The following EPHA7 variants were observed in gnomAD, a reference collection of about 807,000 sequenced individuals.
EPHA7 encodes ephrin type-A receptor 7.
A neutral mutation model predicts 112.6 loss-of-function variants in EPHA7; 25 were observed. The ratio of observed to expected loss-of-function variants is 0.22; its 90% CI spans 0.16 to 0.31. EPHA7 has a LOEUF of 0.31. Among genes scored for constraint, EPHA7 ranks in the 10% least tolerant of loss-of-function variants. The pLI is 1.00. For missense variants in EPHA7, 962 were observed against 1,212.6 expected (o/e 0.79, Z 3.07); for synonymous variants, 437 against 406.5 (o/e 1.07, Z -0.90).
intron 4 of EPHA7, among the ~76,000 whole-genome samples, chr6:93,357,873 C>T (rs1344603638): frequency 1.3e-5 from 2 of 152,010 alleles, no homozygotes; most frequent in South Asian, 2.1e-4. Flanking sequence ...AGGCTAGTCT[C>T]GAACTCCTGA....
At chr6:93,416,452 C>T (rs1412947968) in intron 1 of EPHA7, among the ~76,000 whole-genome samples, 2 of 152,146 alleles carry the variant, frequency 1.3e-5, no homozygotes, top group African/African-American at 4.8e-5. Context: ...CATTCTGCTA[C>T]CCCTCAGCTC....
At chr6:93,340,537 C>G (rs1237784007) in intron 5 of EPHA7, among the ~76,000 whole-genome samples, 1 of 151,624 alleles carries the variant, frequency 6.6e-6, no homozygotes, top group African/African-American at 2.4e-5. Flanking sequence ...AGACTGGGAA[C>G]AGTAAGTATA....
intron 5 of EPHA7, among the ~76,000 whole-genome samples, chr6:93,311,124 T>TTTTTTTTTTTTTTTTTC (rs1773518427): frequency 7.2e-6 from 1 of 139,784 alleles, no homozygotes; most frequent in Non-Finnish European, 1.5e-5. Flanking sequence ...ATTTTTTTTT[T>TTTTTTTTTTTTTTTTTC]TTTTTTTTTT....
At chr6:93,310,801 A>G (rs1455760187) in intron 5 of EPHA7, among the ~76,000 whole-genome samples, 1 of 152,330 alleles carries the variant, frequency 6.6e-6, no homozygotes, top group East Asian at 1.9e-4. Context: ...GCGAGTCATA[A>G]TATTTTTGCT....
chr6:93,405,826 T>C (rs1300102224), intron 3 of EPHA7, among the ~76,000 whole-genome samples: 3 of 84,930 alleles, frequency 3.5e-5, no homozygotes, highest in African/African-American at 1.2e-4. Context: ...TATATATATA[T>C]ATATATATAT....
At chr6:93,301,142 A>G (rs1218812497) in intron 5 of EPHA7, among the ~76,000 whole-genome samples, 3 of 152,214 alleles carry the variant, frequency 2.0e-5, no homozygotes, top group Non-Finnish European at 2.9e-5. Flanking sequence ...CAGGTGATGA[A>G]GTGACCCTCA....
intron 12 of EPHA7, among the ~76,000 whole-genome samples, chr6:93,256,267 A>T (rs1036636877): frequency 6.6e-6 from 1 of 152,172 alleles, no homozygotes; most frequent in East Asian, 1.9e-4. Context: ...ATATTTTAAA[A>T]TGAACTAATA....
rs190907244 is a variant in EPHA7 at position 93,381,999 on chromosome 6, C to T, written c.833-23588G>A. Among the ~76,000 whole-genome samples, 484 of 152,230 alleles carry T rather than the reference C, an allele frequency of 3.2e-3. 9 individuals carry two copies. Among genetic ancestry groups the T allele is most frequent in the Non-Finnish European group, 7.1e-4 (48 of 68,026 alleles). ...GTGTTCACAAACATTGCTCCAAATA[C>T]CACTAAGAATTACATAAAAAGAATT... On this transcript the variant is annotated intron_variant, in intron 3 of 16. Coordinates refer to ENST00000369303, the MANE Select transcript of EPHA7 (RefSeq NM_004440.4).
chr6:93,410,378 TC>T lies in EPHA7; in HGVS notation c.832+122del. The T allele has an allele frequency of 1.2e-6, 1 of 849,012 alleles. No individual in the cohort carries two copies. The highest frequency in any genetic ancestry group is 1.8e-6 in the Non-Finnish European group (1 of 546,772). The allele number at this position is 849,012 out of a possible 1,614,324, so 52.6% of individuals were successfully genotyped here. The stretch of plus-strand genomic sequence containing the variant: ...AGTTCAACGGTGACTTTGTTTAAGA[TC>T]TACTGAATTGCGCTTCTGGTACAGA... On this transcript the variant is annotated intron_variant, in intron 3 of 16. Coordinates refer to ENST00000369303, the MANE Select transcript of EPHA7 (RefSeq NM_004440.4). This position sits in a 1 kb window ranked among gnomAD's most constrained non-coding sequence, Gnocchi z 4.0.
intron 3 of EPHA7, among the ~76,000 whole-genome samples, chr6:93,374,325 T>A (rs1776946821): frequency 6.6e-6 from 1 of 152,150 alleles, no homozygotes; most frequent in African/African-American, 2.4e-5. Context: ...GATATGAATT[T>A]ATATACATAG....
At chr6:93,308,448 CAT>C (rs1182555086) in intron 5 of EPHA7, among the ~76,000 whole-genome samples, 2 of 152,034 alleles carry the variant, frequency 1.3e-5, no homozygotes, top group East Asian at 3.9e-4. Context: ...TATCTTTAAA[CAT>C]GTGGTGTGTA....
At chr6:93,267,717 C>T (rs1430597886) in intron 7 of EPHA7, among the ~76,000 whole-genome samples, 1 of 151,690 alleles carries the variant, frequency 6.6e-6, no homozygotes, top group Non-Finnish European at 1.5e-5. Context: ...ATCTCTGAGT[C>T]TTGGTTACTT....
chr6:93,384,718 G>A (rs1209843501), intron 3 of EPHA7, among the ~76,000 whole-genome samples: 2 of 152,004 alleles, frequency 1.3e-5, no homozygotes, highest in Admixed American at 6.6e-5. Context: ...TTCCCTCCTT[G>A]AAATTTATTC....
chr6:93,411,114 C>G lies in EPHA7; in HGVS notation c.219G>C (p.Val73=), dbSNP rs1404212612. The G allele has an allele frequency of 1.9e-6, 3 of 1,613,692 alleles. No individual in the cohort carries two copies. Among genetic ancestry groups the G allele is most frequent in the Non-Finnish European group, 2.5e-6 (3 of 1,179,958 alleles). Residue 73 remains valine (V), a synonymous_variant, in exon 3 of 17, where the codon GTG becomes GTC. Coordinates refer to ENST00000369303, the MANE Select transcript of EPHA7 (RefSeq NM_004440.4). ...ENYTPIRTYQ[V]CQVMEPNQNN... is the part of the protein sequence containing the mutation. ...TTTGGTTGGGCTCCATGACTTGGCA[C>G]ACCTGGTATGTTCGTATCGGGGTAT...
chr6:93,331,002 T>C (rs1166317700), intron 5 of EPHA7, among the ~76,000 whole-genome samples: 1 of 151,422 alleles, frequency 6.6e-6, no homozygotes, highest in East Asian at 1.9e-4. Context: ...AACTGGCTTT[T>C]CATTAGATGA....
In EPHA7 at chr6:93,243,213, T is replaced by C. The variant is rs1466672243; in HGVS notation, c.*213A>G. On this transcript the variant is annotated 3_prime_UTR_variant, in exon 17 of 17. Coordinates refer to ENST00000369303, the MANE Select transcript of EPHA7 (RefSeq NM_004440.4). Reference sequence around the variant, plus strand: ...GTACTTTGTTTATTGTCACTGCTATTTTCCTGGCCACCGATGGTGGATCCT... The same window carrying C: ...GTACTTTGTTTATTGTCACTGCTATCTTCCTGGCCACCGATGGTGGATCCT... The C allele has an allele frequency of 2.4e-6, 1 of 412,808 alleles. No homozygotes were observed. The highest frequency in any genetic ancestry group is 2.0e-5 in the African/African-American group (1 of 49,758). 25.6% of individuals were successfully genotyped at this position (412,808 alleles called of 1,614,324 possible).
At chr6:93,322,713 A>G (rs148893118) in intron 5 of EPHA7, among the ~76,000 whole-genome samples, 188 of 151,762 alleles carry the variant, frequency 1.2e-3, no homozygotes, top group African/African-American at 4.2e-3. Flanking sequence ...CATTTTCATG[A>G]ACTCATTGTA....
rs989805750 is a variant in EPHA7 at position 93,283,454 on chromosome 6, A to G, written c.1325-11032T>C. Among the ~76,000 whole-genome samples the G allele has an allele frequency of 1.3e-5, 2 of 152,048 alleles. 1 individual carries two copies. On this transcript the variant is annotated intron_variant, in intron 5 of 16. Transcript: ENST00000369303. ...TGGAAGCTTTTTCACTCTTTGTGAT[A>G]AATCTTGCTGCTGCTCACTCTTTTG... is the stretch of plus-strand genomic sequence containing the variant.
intron 9 of EPHA7, chr6:93,260,467 T>A: frequency 2.3e-6 from 2 of 877,652 alleles, no homozygotes; most frequent in Non-Finnish European, 2.7e-6. Context: ...GCAATAAAAA[T>A]TACACTATAT....
Sources: allele counts gnomAD v4.1 joint callset (sites outside exome capture counted in the v4.1 genomes callset), GRCh38; gene constraint gnomAD v4.1.1; non-coding constraint Gnocchi (gnomAD v3.1); transcripts MANE v1.5; gene names NCBI Gene and HGNC (gene_info 2026-07-23, HGNC 2026-07-21).